The following PDE4B variants were observed in gnomAD, a reference collection of about 807,000 sequenced individuals.
PDE4B encodes the protein phosphodiesterase 4B.
Under a neutral mutation model 82.2 loss-of-function variants are expected in PDE4B, and 20 were observed. The ratio of observed to expected loss-of-function variants is 0.24; its 90% CI spans 0.17 to 0.35. The LOEUF (loss-of-function observed/expected upper bound fraction) is 0.35. Among genes scored for constraint, PDE4B ranks in the 10% least tolerant of loss-of-function variants. The probability of loss-of-function intolerance (pLI) is 1.00; values close to 1 mark genes in which losing one functional copy is unlikely to be tolerated. For missense variants in PDE4B, 655 were observed against 907.2 expected, an observed-to-expected ratio of 0.72 and a Z score of 3.57; for synonymous variants, 320 against 318.9, an observed-to-expected ratio of 1.00 and a Z score of -0.04.
chr1:66,311,458 G>A (rs1350487195), intron 7 of PDE4B, among the ~76,000 whole-genome samples: 4 of 152,254 alleles, frequency 2.6e-5, no homozygotes, highest in Admixed American at 1.3e-4. Context: ...CTCCATCTAT[G>A]GAGCAGAAAG....
At chr1:65,848,956 T>C (rs941492855) in intron 1 of PDE4B, among the ~76,000 whole-genome samples, 2 of 152,026 alleles carry the variant, frequency 1.3e-5, no homozygotes, top group African/African-American at 2.4e-5. Context: ...ATATTTAATT[T>C]AAAAATATTA....
intron 3 of PDE4B, among the ~76,000 whole-genome samples, chr1:66,191,079 A>G (rs1396310341): frequency 6.6e-6 from 1 of 152,150 alleles, no homozygotes; most frequent in African/African-American, 2.4e-5. Context: ...TCTTCAAATA[A>G]TCTCAGAAAA....
At chr1:65,822,414 C>CT (rs1237988752) in intron 1 of PDE4B, among the ~76,000 whole-genome samples, 1 of 152,016 alleles carries the variant, frequency 6.6e-6, no homozygotes, top group African/African-American at 2.4e-5. Flanking sequence ...AAAATGATGC[C>CT]TTTTTTTCCC....
intron 3 of PDE4B, among the ~76,000 whole-genome samples, chr1:66,088,732 T>A (rs140659066): frequency 1.8e-4 from 27 of 152,174 alleles, no homozygotes; most frequent in African/African-American, 5.5e-4. Context: ...GGGCTTTTTT[T>A]CTCTTCTCCC....
chr1:66,115,390 T>C (rs749169025), intron 3 of PDE4B, among the ~76,000 whole-genome samples: 1 of 152,052 alleles, frequency 6.6e-6, no homozygotes, highest in African/African-American at 2.4e-5. Flanking sequence ...TGAGACTCAC[T>C]ATGATAGAGA....
intron 3 of PDE4B, among the ~76,000 whole-genome samples, chr1:66,121,406 G>A (rs1254220741): frequency 6.6e-6 from 1 of 152,162 alleles, no homozygotes; most frequent in Non-Finnish European, 1.5e-5. Flanking sequence ...TGAACTAAGG[G>A]AAATCGTGGG....
intron 1 of PDE4B, among the ~76,000 whole-genome samples, chr1:65,901,044 G>C (rs972667678): frequency 6.6e-6 from 1 of 152,062 alleles, no homozygotes; most frequent in Non-Finnish European, 1.5e-5. Flanking sequence ...TTCTTAAGGG[G>C]AGTGCTTCCA....
intron 3 of PDE4B, among the ~76,000 whole-genome samples, chr1:65,995,691 A>G (rs913767240): frequency 6.6e-6 from 1 of 152,188 alleles, no homozygotes; most frequent in African/African-American, 2.4e-5. Flanking sequence ...TGTCATAGTG[A>G]AATGTAACCA....
rs562965297 is a variant in PDE4B at position 66,317,370 on chromosome 1, A to G, written c.635-15138A>G. Among the ~76,000 whole-genome samples the G allele has an allele frequency of 3.1e-4, 47 of 152,220 alleles. No individual in the cohort carries two copies. The South Asian group carries it at 9.5e-3, about 31-fold the overall frequency. On this transcript the variant is annotated intron_variant, in intron 7 of 16. Transcript: ENST00000341517. Reference sequence around the variant, plus strand: ...AAACCCTACCCCGCACACTTCAGACACAGCCCTAGACTGCTTAGATGCTTA... The same window carrying G: ...AAACCCTACCCCGCACACTTCAGACGCAGCCCTAGACTGCTTAGATGCTTA...
chr1:66,192,594 C>T (rs891476761), intron 3 of PDE4B, among the ~76,000 whole-genome samples: 4 of 152,110 alleles, frequency 2.6e-5, no homozygotes, highest in Admixed American at 6.6e-5. Context: ...GTCTCAGTCA[C>T]CTGTGAGGTT....
At chr1:65,842,845 G>T (rs944381765) in intron 1 of PDE4B, among the ~76,000 whole-genome samples, 2 of 152,158 alleles carry the variant, frequency 1.3e-5, no homozygotes, top group African/African-American at 4.8e-5. Flanking sequence ...GAGCACAAGA[G>T]GTACTTCTGA....
At chr1:65,896,244 A>G (rs1168644606) in intron 1 of PDE4B, among the ~76,000 whole-genome samples, 3 of 152,142 alleles carry the variant, frequency 2.0e-5, no homozygotes, top group Admixed American at 2.0e-4. Flanking sequence ...TGGAATGCAA[A>G]TGAGGAGCAA....
At chr1:66,130,083 C>T (rs1645908998) in intron 3 of PDE4B, among the ~76,000 whole-genome samples, 1 of 152,234 alleles carries the variant, frequency 6.6e-6, no homozygotes, top group Admixed American at 6.5e-5. Flanking sequence ...ATGCAGCTAT[C>T]TAACTCATCC....
rs367784471 is a variant in PDE4B at position 66,135,017 on chromosome 1, T to C, written c.282-112443T>C. On this transcript the variant is annotated intron_variant, in intron 3 of 16. Transcript: ENST00000341517. ...CTTCCTGAAGAAGTTGATTCCTGGG[T>C]TGAGTCTTATAGGATGAAGAATTTG... 5.1e-4 allele frequency among the ~76,000 whole-genome samples: 77 copies of C among 152,318 alleles called. No individual in the cohort carries two copies. The Middle Eastern group carries it at 0.014, about 27-fold the overall frequency.
At chr1:66,122,094 A>G (rs1206664633) in intron 3 of PDE4B, among the ~76,000 whole-genome samples, 1 of 152,084 alleles carries the variant, frequency 6.6e-6, no homozygotes, top group African/African-American at 2.4e-5. Flanking sequence ...TTGAAGTCAC[A>G]TGGCCGAGGC....
At chr1:65,996,966 T>C (rs1159531281) in intron 3 of PDE4B, among the ~76,000 whole-genome samples, 1 of 152,236 alleles carries the variant, frequency 6.6e-6, no homozygotes, top group East Asian at 1.9e-4. Context: ...ACTTGGCCTG[T>C]ATGGCCTGCC....
chr1:66,211,422 T>G (rs763454482), intron 3 of PDE4B, among the ~76,000 whole-genome samples: 3 of 152,158 alleles, frequency 2.0e-5, no homozygotes, highest in Non-Finnish European at 2.9e-5. Flanking sequence ...ACAGAAGCAA[T>G]AAGGACTTTC....
At chr1:66,199,385 G>GT (rs1051865156) in intron 3 of PDE4B, among the ~76,000 whole-genome samples, 34 of 152,206 alleles carry the variant, frequency 2.2e-4, no homozygotes, top group African/African-American at 7.7e-4. Context: ...TTTTTCATGT[G>GT]TTTTTTGGCT....
At chr1:66,220,355 T>C (rs1020756853) in intron 3 of PDE4B, among the ~76,000 whole-genome samples, 4 of 152,182 alleles carry the variant, frequency 2.6e-5, no homozygotes, top group Admixed American at 1.3e-4. Flanking sequence ...AAACATTTTG[T>C]AGTTTCTAAA....
Sources: gnomAD v4.1 joint callset for allele counts (sites outside exome capture counted in the v4.1 genomes callset) on GRCh38, gnomAD v4.1.1 for gene constraint, MANE v1.5 for transcripts, NCBI Gene and HGNC (gene_info 2026-07-23, HGNC 2026-07-21) for gene names.